Variants in RSPO2 observed in about 807,000 individuals in gnomAD.
The protein encoded by RSPO2 is R-spondin 2, also known as R-spondin-2.
A neutral mutation model predicts 30.9 loss-of-function variants in RSPO2; 14 were observed. The ratio of observed to expected loss-of-function variants is 0.45; its 90% CI spans 0.30 to 0.71. The LOEUF is 0.71. Ranked by LOEUF, RSPO2 falls within the 30% of genes least tolerant of loss-of-function variation. The pLI is 0.08. For synonymous variants in RSPO2, 107 were observed against 96.4 expected (o/e 1.11, Z -0.64); for missense variants, 264 against 301.9 (o/e 0.87, Z 0.93).
chr8:108,052,607 C>A (rs1812108914), intron 2 of RSPO2, among the ~76,000 whole-genome samples: 1 of 152,048 alleles, frequency 6.6e-6, no homozygotes, highest in African/African-American at 2.4e-5. Flanking sequence ...ACAGAGTAAG[C>A]AACTGGGAAA....
intron 5 of RSPO2, among the ~76,000 whole-genome samples, chr8:107,930,784 C>T (rs997076296): frequency 2.0e-5 from 3 of 152,148 alleles, no homozygotes; most frequent in Non-Finnish European, 4.4e-5. Context: ...CACATACCAC[C>T]ACCAGATCAA....
chr8:107,950,129 A>AC (rs1813194264), intron 5 of RSPO2, among the ~76,000 whole-genome samples: 1 of 79,766 alleles, frequency 1.3e-5, no homozygotes, highest in Non-Finnish European at 3.3e-5. Flanking sequence ...AAGTCCTACT[A>AC]CCTCCCTGAA....
intron 5 of RSPO2, among the ~76,000 whole-genome samples, chr8:107,936,317 C>T (rs759275296): frequency 2.5e-4 from 38 of 152,054 alleles, no homozygotes; most frequent in Non-Finnish European, 5.1e-4. Context: ...TGTTTATATA[C>T]CACATTTTCT....
intron 5 of RSPO2, among the ~76,000 whole-genome samples, chr8:107,951,711 T>C (rs79989662): frequency 0.047 from 7,144 of 152,188 alleles, 311 homozygotes; most frequent in African/African-American, 0.11. Context: ...AAGGTGTGTC[T>C]TCCTCCACTA....
chr8:108,043,586 A>T (rs566865938), intron 2 of RSPO2, among the ~76,000 whole-genome samples: 1 of 129,470 alleles, frequency 7.7e-6, no homozygotes, highest in Non-Finnish European at 1.6e-5. Flanking sequence ...CTTTGGGGGA[A>T]AAAAGTATCT....
intron 2 of RSPO2, among the ~76,000 whole-genome samples, chr8:108,066,665 C>T (rs572536948): frequency 4.9e-4 from 75 of 152,156 alleles, no homozygotes; most frequent in African/African-American, 1.7e-3. Context: ...ATCTGCTTTA[C>T]CTGGAAGAAT....
At chr8:107,922,402 A>T (rs1337888026) in intron 5 of RSPO2, among the ~76,000 whole-genome samples, 1 of 151,144 alleles carries the variant, frequency 6.6e-6, no homozygotes, top group Non-Finnish European at 1.5e-5. Context: ...GGGAGGTGAA[A>T]GATCTACAAA....
intron 5 of RSPO2, among the ~76,000 whole-genome samples, chr8:107,935,949 C>T (rs780455281): frequency 1.3e-5 from 2 of 152,086 alleles, no homozygotes; most frequent in East Asian, 3.9e-4. Flanking sequence ...CATTTCTATG[C>T]GTTGCTAACA....
intron 2 of RSPO2, among the ~76,000 whole-genome samples, chr8:108,022,947 A>G (rs1811101249): frequency 1.3e-5 from 2 of 148,254 alleles, no homozygotes; most frequent in Admixed American, 6.7e-5. Flanking sequence ...AAAAAAAACC[A>G]CACACACACT....
intron 2 of RSPO2, among the ~76,000 whole-genome samples, chr8:108,007,818 T>TA (rs1209631696): frequency 6.6e-6 from 1 of 152,064 alleles, no homozygotes; most frequent in Non-Finnish European, 1.5e-5. Flanking sequence ...CACATGCCTG[T>TA]AGTCTCAGCT....
chr8:107,991,762 G>A (rs894605807), intron 2 of RSPO2, among the ~76,000 whole-genome samples: 1 of 152,112 alleles, frequency 6.6e-6, no homozygotes, highest in African/African-American at 2.4e-5. Flanking sequence ...AGACACACAC[G>A]TGGCCAACAA....
chr8:107,900,259 C>A lies in RSPO2; in HGVS notation c.*816G>T, dbSNP rs1234676945. ...AGAAGGTCTACCCAATATGCAAACT[C>A]TTTGACACTGGTCATTTGACTCTAT... On this transcript the variant is annotated 3_prime_UTR_variant, in exon 6 of 6. Transcript: ENST00000276659. 2 of 152,044 alleles carry A rather than the reference C, an allele frequency of 1.3e-5. No individual in the cohort carries two copies. The highest frequency in any genetic ancestry group is 2.9e-5 in the Non-Finnish European group (2 of 68,032). The allele number at this position is 152,044 out of a possible 1,614,324, so 9.4% of individuals were successfully genotyped here.
At chr8:108,027,447 A>G (rs1811260467) in intron 2 of RSPO2, among the ~76,000 whole-genome samples, 1 of 152,348 alleles carries the variant, frequency 6.6e-6, no homozygotes, top group South Asian at 2.1e-4. Context: ...GACCAGATTC[A>G]GGAGTAACAT....
chr8:107,941,114 AT>A (rs553668671), intron 5 of RSPO2, among the ~76,000 whole-genome samples: 1 of 151,470 alleles, frequency 6.6e-6, no homozygotes, highest in African/African-American at 2.4e-5. Context: ...TAGTTCACTG[AT>A]TTTTTTTTCA....
At chr8:107,925,055 A>C (rs1341643843) in intron 5 of RSPO2, among the ~76,000 whole-genome samples, 2 of 151,986 alleles carry the variant, frequency 1.3e-5, no homozygotes, top group Admixed American at 1.3e-4. Context: ...ATAACATATG[A>C]TTTTTTTATT....
At chr8:108,037,813 T>C (rs1181431248) in intron 2 of RSPO2, among the ~76,000 whole-genome samples, 1 of 152,198 alleles carries the variant, frequency 6.6e-6, no homozygotes, top group East Asian at 1.9e-4. Flanking sequence ...AAAACCTCCA[T>C]GACAGCACAC....
chr8:107,977,510 G>A (rs572263337), intron 3 of RSPO2, among the ~76,000 whole-genome samples: 5 of 152,122 alleles, frequency 3.3e-5, no homozygotes, highest in Admixed American at 6.5e-5. Context: ...CCATCTTTGG[G>A]AATGATGGAG....
In RSPO2 at chr8:107,981,146, G is replaced by A. The variant is rs140391419; in HGVS notation, c.283+7910C>T. ...TGTGTGTCCACAGTTGTCCAGATTT[G>A]GACATTTCAAACATATTTATGTTAA... On this transcript the variant is annotated intron_variant, in intron 3 of 5. Coordinates refer to ENST00000276659, the MANE Select transcript of RSPO2 (RefSeq NM_178565.5). 4.6e-5 allele frequency among the ~76,000 whole-genome samples: 7 copies of A among 152,074 alleles called. No homozygotes were observed. The East Asian group carries it at 1.4e-3, about 29-fold the overall frequency.
chr8:108,038,599 G>A (rs1305224281), intron 2 of RSPO2, among the ~76,000 whole-genome samples: 2 of 152,088 alleles, frequency 1.3e-5, no homozygotes, highest in Non-Finnish European at 2.9e-5. Flanking sequence ...GTCCATCAAT[G>A]TGGCAAACAT....
Sources: allele counts gnomAD v4.1 joint callset (sites outside exome capture counted in the v4.1 genomes callset), GRCh38; gene constraint gnomAD v4.1.1; transcripts MANE v1.5; gene names NCBI Gene and HGNC (gene_info 2026-07-23, HGNC 2026-07-21).